EFNA5: variants seen among roughly 807,000 people sequenced by gnomAD.
EFNA5 encodes the protein ephrin A5, also known as ephrin-A5.
In EFNA5, 5 loss-of-function variants were observed where a neutral mutation model predicts 22.9. That is an observed-to-expected ratio of 0.22 (90% confidence interval 0.11 to 0.46). The LOEUF (loss-of-function observed/expected upper bound fraction) is 0.46. Among genes scored for constraint, EFNA5 ranks in the 20% least tolerant of loss-of-function variants. The pLI, the probability that EFNA5 is intolerant of heterozygous loss-of-function variation, is 0.99. For missense variants in EFNA5, 237 were observed against 293.3 expected (o/e 0.81, Z 1.40); for synonymous variants, 113 against 112.2 (o/e 1.01, Z -0.04).
chr5:107,573,901 G>A (rs966184765), intron 1 of EFNA5, among the ~76,000 whole-genome samples: 1 of 152,210 alleles, frequency 6.6e-6, no homozygotes, highest in Non-Finnish European at 1.5e-5. Flanking sequence ...GTGTCCACAA[G>A]AGGCTAAAGG....
chr5:107,463,200 T>C (rs1749881139), intron 1 of EFNA5, among the ~76,000 whole-genome samples: 1 of 152,112 alleles, frequency 6.6e-6, no homozygotes, highest in Non-Finnish European at 1.5e-5. Flanking sequence ...AGTTTGATCA[T>C]TTTTCCAGTA....
chr5:107,481,849 CAA>C (rs3078574), intron 1 of EFNA5, among the ~76,000 whole-genome samples: 8 of 119,832 alleles, frequency 6.7e-5, no homozygotes, highest in Non-Finnish European at 9.2e-5. Flanking sequence ...GACTCCATCT[CAA>C]AAAAAAAAAA....
At chr5:107,489,751 A>G (rs1746751316) in intron 1 of EFNA5, among the ~76,000 whole-genome samples, 1 of 152,152 alleles carries the variant, frequency 6.6e-6, no homozygotes, top group Admixed American at 6.5e-5. Context: ...AAAATGAGAA[A>G]ACATATCCAT....
intron 2 of EFNA5, among the ~76,000 whole-genome samples, chr5:107,425,269 G>T (rs984190001): frequency 5.9e-5 from 9 of 152,074 alleles, no homozygotes; most frequent in African/African-American, 2.2e-4. Context: ...TAATAATCAG[G>T]CAATCAACTA....
intron 1 of EFNA5, among the ~76,000 whole-genome samples, chr5:107,568,337 T>C (rs1382414753): frequency 6.6e-6 from 1 of 152,036 alleles, no homozygotes; most frequent in Non-Finnish European, 1.5e-5. Context: ...ATAATAAAGA[T>C]CGTGGGGAGA....
intron 1 of EFNA5, among the ~76,000 whole-genome samples, chr5:107,613,584 T>A (rs1451017449): frequency 6.6e-6 from 1 of 152,158 alleles, no homozygotes; most frequent in African/African-American, 2.4e-5. Flanking sequence ...GATTGATAGC[T>A]TTTTAAACAC....
At chr5:107,639,376 G>C (rs763473554) in intron 1 of EFNA5, among the ~76,000 whole-genome samples, 3 of 152,124 alleles carry the variant, frequency 2.0e-5, no homozygotes, top group African/African-American at 4.8e-5. Context: ...CAACTTCCAC[G>C]GTTCATAATT....
intron 1 of EFNA5, among the ~76,000 whole-genome samples, chr5:107,618,827 T>A (rs942854713): frequency 1.3e-5 from 2 of 152,226 alleles, no homozygotes; most frequent in Admixed American, 6.5e-5. Context: ...TCTTTTCATA[T>A]TTTTGCTTAG....
At chr5:107,455,052 A>T (rs1749660623) in intron 1 of EFNA5, among the ~76,000 whole-genome samples, 1 of 152,138 alleles carries the variant, frequency 6.6e-6, no homozygotes, top group African/African-American at 2.4e-5. Context: ...ACTCAACAAA[A>T]TCTCAAACCC....
chr5:107,431,017 G>T (rs1748942264), intron 1 of EFNA5, among the ~76,000 whole-genome samples: 1 of 152,054 alleles, frequency 6.6e-6, no homozygotes, highest in African/African-American at 2.4e-5. Context: ...CTCGTGATCT[G>T]CCCAGCTCGG....
intron 1 of EFNA5, among the ~76,000 whole-genome samples, chr5:107,478,359 G>A (rs1406735928): frequency 6.6e-6 from 1 of 152,148 alleles, no homozygotes; most frequent in Non-Finnish European, 1.5e-5. Flanking sequence ...ATTTCCCAAA[G>A]GCTTCCACTG....
chr5:107,609,228 C>G (rs1749778982), intron 1 of EFNA5, among the ~76,000 whole-genome samples: 2 of 152,220 alleles, frequency 1.3e-5, no homozygotes, highest in Admixed American at 1.3e-4. Context: ...TGGTTGTTAT[C>G]ATGTATGGTT....
chr5:107,585,047 G>A (rs1749156083), intron 1 of EFNA5, among the ~76,000 whole-genome samples: 3 of 152,084 alleles, frequency 2.0e-5, no homozygotes, highest in Admixed American at 2.0e-4. Flanking sequence ...TGGGACTAGT[G>A]AGGATCATGA....
intron 1 of EFNA5, among the ~76,000 whole-genome samples, chr5:107,638,479 C>T (rs2112542063): frequency 6.6e-6 from 1 of 152,248 alleles, no homozygotes; most frequent in South Asian, 2.1e-4. Context: ...AGTTGACCTA[C>T]TGCAACCACA....
chr5:107,452,238 C>A (rs962706874), intron 1 of EFNA5, among the ~76,000 whole-genome samples: 1 of 151,918 alleles, frequency 6.6e-6, no homozygotes, highest in Non-Finnish European at 1.5e-5. Flanking sequence ...GGGGAGGGAA[C>A]TTAGAGGACG....
chr5:107,620,214 A>G (rs1254083692), intron 1 of EFNA5, among the ~76,000 whole-genome samples: 1 of 152,184 alleles, frequency 6.6e-6, no homozygotes, highest in Non-Finnish European at 1.5e-5. Flanking sequence ...GGCATTTCTC[A>G]TTTTCTAAAA....
chr5:107,609,623 G>C (rs114703254), intron 1 of EFNA5, among the ~76,000 whole-genome samples: 2 of 152,132 alleles, frequency 1.3e-5, no homozygotes, highest in African/African-American at 4.8e-5. Flanking sequence ...CACCAAAGTC[G>C]CCTCACCCTG....
At chr5:107,599,990 A>G (rs1749560448) in intron 1 of EFNA5, among the ~76,000 whole-genome samples, 1 of 152,240 alleles carries the variant, frequency 6.6e-6, no homozygotes, top group African/African-American at 2.4e-5. Flanking sequence ...CAAACTCAGT[A>G]AAAAGGAATG....
intron 1 of EFNA5, among the ~76,000 whole-genome samples, chr5:107,476,057 T>TGTATACATATATATATGTATATATATATG: frequency 2.0e-5 from 2 of 100,436 alleles, no homozygotes; most frequent in Admixed American, 1.1e-4. Context: ...TATATATATA[T>TGTATACATATATATATGTATATATATATG]TTTTTTTTTT....
Sources: gnomAD v4.1 joint callset for allele counts (sites outside exome capture counted in the v4.1 genomes callset) on GRCh38, gnomAD v4.1.1 for gene constraint, MANE v1.5 for transcripts, NCBI Gene and HGNC (gene_info 2026-07-23, HGNC 2026-07-21) for gene names.